The following NRP2 variants were observed in gnomAD, a reference collection of about 807,000 sequenced individuals.
The protein encoded by NRP2 is neuropilin 2.
A neutral mutation model predicts 110.4 loss-of-function variants in NRP2; 52 were observed. The ratio of observed to expected loss-of-function variants is 0.47; its 90% CI spans 0.38 to 0.59. The LOEUF (loss-of-function observed/expected upper bound fraction) is 0.59. Among genes scored for constraint, NRP2 ranks in the 20% least tolerant of loss-of-function variants. The probability of loss-of-function intolerance (pLI) is 0.00; values close to 1 mark genes in which losing one functional copy is unlikely to be tolerated. For missense variants in NRP2, 1,049 were observed against 1,203.0 expected, an observed-to-expected ratio of 0.87 and a Z score of 1.89; for synonymous variants, 508 against 468.9, an observed-to-expected ratio of 1.08 and a Z score of -1.08.
chr2:205,697,321 T>TGTGTGTGTGTGTGTGTGTGTGTGTGG (rs2056452577), intron 1 of NRP2, among the ~76,000 whole-genome samples: 1 of 150,540 alleles, frequency 6.6e-6, no homozygotes, highest in African/African-American at 2.5e-5. Context: ...TCTGTGTGTG[T>TGTGTGTGTGTGTGTGTGTGTGTGTGG]GTGTGTGTGT....
At chr2:205,733,962 G>A (rs1397320822) in intron 7 of NRP2, among the ~76,000 whole-genome samples, 1 of 152,070 alleles carries the variant, frequency 6.6e-6, no homozygotes, top group Non-Finnish European at 1.5e-5. Flanking sequence ...CACACAGATG[G>A]GGATGCGCAC....
chr2:205,757,629 G>A (rs1335360835), intron 12 of NRP2, among the ~76,000 whole-genome samples: 2 of 152,178 alleles, frequency 1.3e-5, no homozygotes, highest in Non-Finnish European at 2.9e-5. Context: ...ACAATCCATT[G>A]AATTGCTGTT....
intron 6 of NRP2, among the ~76,000 whole-genome samples, chr2:205,726,978 A>G (rs892175854): frequency 6.6e-6 from 1 of 152,124 alleles, no homozygotes; most frequent in African/African-American, 2.4e-5. Context: ...CCAAAAATCC[A>G]TCTCCTCGCA....
At chr2:205,723,757 C>T in intron 4 of NRP2, 28 bp from the exon 5 acceptor site, 1 of 1,613,588 alleles carries the variant, frequency 6.2e-7, no homozygotes, top group South Asian at 1.1e-5. Flanking sequence ...TTGATTTCCA[C>T]TGACTTCTCT....
chr2:205,697,705 G>A lies in NRP2; in HGVS notation c.235G>A (p.Glu79Lys). 1 of 1,613,840 alleles carries A rather than the reference G, an allele frequency of 6.2e-7. No homozygotes were observed. The highest frequency in any genetic ancestry group is 1.3e-5 in the African/African-American group (1 of 74,904). ...VLNFNPHFEI[E>K]KHDCKYDFIE... ...CAACTTCAACCCTCACTTTGAAATC[G>A]AGAAGCACGACTGCAAGTAAGCACC... is the stretch of plus-strand genomic sequence containing the variant. Residue 79 changes from glutamate to lysine, a missense_variant, in exon 2 of 17, where the codon GAG becomes AAG. Physicochemically the swap from Glu to Lys is moderately conservative, Grantham distance 56. Transcript: ENST00000357785.
intron 5 of NRP2, among the ~76,000 whole-genome samples, chr2:205,724,334 G>T (rs2057082741): frequency 6.6e-6 from 1 of 152,020 alleles, no homozygotes; most frequent in Non-Finnish European, 1.5e-5. Flanking sequence ...AAATCTCAGG[G>T]GCAATTGTCA....
At chr2:205,771,063 C>T (rs2058015314) in intron 15 of NRP2, among the ~76,000 whole-genome samples, 1 of 152,240 alleles carries the variant, frequency 6.6e-6, no homozygotes, top group African/African-American at 2.4e-5. Context: ...GGACAAGACT[C>T]AGTTTACAGA....
chr2:205,747,054 TC>T (rs1408247123), intron 10 of NRP2, among the ~76,000 whole-genome samples: 1 of 151,868 alleles, frequency 6.6e-6, no homozygotes, highest in Non-Finnish European at 1.5e-5. Context: ...GCAGAAAACC[TC>T]CCCCCGATAC....
At chr2:205,711,388 A>G (rs1193342770) in intron 2 of NRP2, among the ~76,000 whole-genome samples, 1 of 152,158 alleles carries the variant, frequency 6.6e-6, no homozygotes, top group South Asian at 2.1e-4. Context: ...AAGTAAGATG[A>G]TGGTGAGATA....
chr2:205,727,707 G>T (rs2057153579), intron 6 of NRP2, among the ~76,000 whole-genome samples, 184 bp from the exon 7 acceptor site: 1 of 152,198 alleles, frequency 6.6e-6, no homozygotes, highest in Non-Finnish European at 1.5e-5. Flanking sequence ...GTCTGATTTA[G>T]TGTAAGATAA....
At chr2:205,755,903 G>A (rs1559350917) in intron 12 of NRP2, among the ~76,000 whole-genome samples, 1 of 152,292 alleles carries the variant, frequency 6.6e-6, no homozygotes, top group African/African-American at 2.4e-5. Flanking sequence ...GAGAAAGGTG[G>A]ATGGGAGAGG....
chr2:205,698,813 CT>C (rs1274536392), intron 2 of NRP2, among the ~76,000 whole-genome samples: 1 of 152,146 alleles, frequency 6.6e-6, no homozygotes, highest in Non-Finnish European at 1.5e-5. Context: ...CTAAGCATTC[CT>C]TGCTATTAAG....
chr2:205,737,141 G>C (rs2057358969), intron 7 of NRP2, among the ~76,000 whole-genome samples: 1 of 152,186 alleles, frequency 6.6e-6, no homozygotes, highest in Non-Finnish European at 1.5e-5. Flanking sequence ...ATTTGAACTG[G>C]TATTGAACCA....
intron 12 of NRP2, among the ~76,000 whole-genome samples, chr2:205,758,790 C>T (rs1295663648): frequency 2.0e-5 from 3 of 152,108 alleles, no homozygotes; most frequent in Non-Finnish European, 4.4e-5. Flanking sequence ...TGTCCATTGC[C>T]GGCATCATAG....
chr2:205,743,864 C>CT (rs1425966038), intron 9 of NRP2, among the ~76,000 whole-genome samples: 2 of 152,130 alleles, frequency 1.3e-5, no homozygotes, highest in Non-Finnish European at 2.9e-5. Flanking sequence ...CAGCCTCAGC[C>CT]TCCTGAGTGG....
intron 1 of NRP2, among the ~76,000 whole-genome samples, chr2:205,688,957 T>A (rs1305464189): frequency 6.6e-6 from 1 of 152,184 alleles, no homozygotes; most frequent in Non-Finnish European, 1.5e-5. Flanking sequence ...TGCCTAGGGT[T>A]TCCAGAACAC....
At chr2:205,758,130 A>G (rs2057763200) in intron 12 of NRP2, among the ~76,000 whole-genome samples, 1 of 152,216 alleles carries the variant, frequency 6.6e-6, no homozygotes, top group African/African-American at 2.4e-5. Context: ...ATCCAAAGTC[A>G]GTGTTTCCCT....
chr2:205,707,290 G>T (rs907386906), intron 2 of NRP2, among the ~76,000 whole-genome samples: 3 of 152,390 alleles, frequency 2.0e-5, no homozygotes, highest in Middle Eastern at 3.4e-3. Flanking sequence ...AAACGGAAGC[G>T]GTTCCAGCTG....
intron 2 of NRP2, chr2:205,700,950 G>C (rs185745521): frequency 3.1e-6 from 1 of 321,082 alleles, no homozygotes; most frequent in Admixed American, 4.2e-5. Context: ...ACTACGGGCC[G>C]TCTGGGCAAA....
Sources: allele counts gnomAD v4.1 joint callset (sites outside exome capture counted in the v4.1 genomes callset), GRCh38; gene constraint gnomAD v4.1.1; transcripts MANE v1.5; gene names NCBI Gene and HGNC (gene_info 2026-07-23, HGNC 2026-07-21).